RABGAP1L: variants seen among roughly 807,000 people sequenced by gnomAD.
RABGAP1L encodes RAB GTPase activating protein 1 like.
Under a neutral mutation model 137.7 loss-of-function variants are expected in RABGAP1L, and 63 were observed. The ratio of observed to expected loss-of-function variants is 0.46; its 90% CI spans 0.37 to 0.56. RABGAP1L has a LOEUF of 0.56. Among genes scored for constraint, RABGAP1L ranks in the 20% least tolerant of loss-of-function variants. The probability of loss-of-function intolerance (pLI) is 0.00; values close to 1 mark genes in which losing one functional copy is unlikely to be tolerated. For missense variants in RABGAP1L, 1,095 were observed against 1,244.0 expected, an observed-to-expected ratio of 0.88 and a Z score of 1.80; for synonymous variants, 431 against 433.7, an observed-to-expected ratio of 0.99 and a Z score of 0.08.
At chr1:174,389,511 A>G (rs1244696670) in intron 12 of RABGAP1L, among the ~76,000 whole-genome samples, 1 of 152,108 alleles carries the variant, frequency 6.6e-6, no homozygotes, top group African/African-American at 2.4e-5. Context: ...GACATCTTTA[A>G]AAGTAGAGTT....
chr1:174,217,454 A>G (rs943323480), intron 1 of RABGAP1L, among the ~76,000 whole-genome samples: 1 of 152,172 alleles, frequency 6.6e-6, no homozygotes, highest in Non-Finnish European at 1.5e-5. Flanking sequence ...TCAGGATCTG[A>G]ACTCAGGGAA....
intron 7 of RABGAP1L, among the ~76,000 whole-genome samples, chr1:174,266,482 T>C: frequency 6.6e-6 from 1 of 152,222 alleles, no homozygotes; most frequent in East Asian, 1.9e-4. Flanking sequence ...TTTGTAGTTA[T>C]GGTATACATT....
At chr1:174,645,869 G>C (rs533629444) in intron 14 of RABGAP1L, among the ~76,000 whole-genome samples, 1 of 152,142 alleles carries the variant, frequency 6.6e-6, no homozygotes, top group South Asian at 2.1e-4. Flanking sequence ...TCCAGCATCT[G>C]TTGTTTCCTG....
chr1:174,973,101 A>G (rs979934556), intron 21 of RABGAP1L, among the ~76,000 whole-genome samples: 6 of 152,154 alleles, frequency 3.9e-5, no homozygotes, highest in African/African-American at 1.2e-4. Context: ...GAACAGAACA[A>G]TTGCTCCTAC....
intron 10 of RABGAP1L, among the ~76,000 whole-genome samples, chr1:174,281,378 C>G (rs1226169466): frequency 6.6e-5 from 10 of 152,040 alleles, no homozygotes; most frequent in Non-Finnish European, 1.3e-4. Flanking sequence ...GTTTACAAAC[C>G]ATTAGCTAGA....
chr1:174,922,225 A>T (rs923791746), intron 19 of RABGAP1L: 1 of 152,734 alleles, frequency 6.5e-6, no homozygotes, highest in Non-Finnish European at 1.5e-5. Context: ...CTCACACAGT[A>T]ACGCAGTTTT....
intron 10 of RABGAP1L, among the ~76,000 whole-genome samples, chr1:174,291,955 T>A (rs1282067824): frequency 6.6e-6 from 1 of 151,010 alleles, no homozygotes; most frequent in Non-Finnish European, 1.5e-5. Context: ...TGTTGTTTCA[T>A]TATTTTTCCT....
intron 13 of RABGAP1L, among the ~76,000 whole-genome samples, chr1:174,459,337 A>C (rs1179581069): frequency 1.3e-5 from 2 of 152,164 alleles, no homozygotes; most frequent in African/African-American, 4.8e-5. Context: ...TAAGAAAATG[A>C]ATAAATGATC....
intron 13 of RABGAP1L, among the ~76,000 whole-genome samples, chr1:174,578,286 G>T (rs748636769): frequency 6.6e-6 from 1 of 152,162 alleles, no homozygotes; most frequent in Non-Finnish European, 1.5e-5. Context: ...CCAGGCTCAA[G>T]CAGTCCTCCT....
chr1:174,357,097 T>G (rs1411761950), intron 11 of RABGAP1L, among the ~76,000 whole-genome samples: 2 of 152,118 alleles, frequency 1.3e-5, no homozygotes, highest in African/African-American at 4.8e-5. Flanking sequence ...GGAGTTGAAG[T>G]TAGGCATATT....
intron 11 of RABGAP1L, among the ~76,000 whole-genome samples, chr1:174,370,429 A>T (rs550226318): frequency 2.7e-5 from 4 of 146,640 alleles, no homozygotes; most frequent in African/African-American, 1.0e-4. Context: ...CCATATAAAA[A>T]GGCCAGTTTC....
chr1:174,327,987 ATAT>A (rs2148851427), intron 11 of RABGAP1L, among the ~76,000 whole-genome samples: 1 of 10,192 alleles, frequency 9.8e-5, no homozygotes, highest in Non-Finnish European at 1.8e-4. Context: ...ATACACACAC[ATAT>A]ATATATATAT....
At chr1:174,294,156 T>C (rs570760455) in intron 10 of RABGAP1L, among the ~76,000 whole-genome samples, 1 of 152,316 alleles carries the variant, frequency 6.6e-6, no homozygotes, top group East Asian at 1.9e-4. Context: ...AGAACAATGC[T>C]TGCTACCTGA....
At chr1:174,502,639 TATATATATGTAC>T (rs1290810866) in intron 13 of RABGAP1L, among the ~76,000 whole-genome samples, 1 of 148,928 alleles carries the variant, frequency 6.7e-6, no homozygotes, top group East Asian at 1.9e-4. Flanking sequence ...TATATGTGTG[TATATATATGTAC>T]ATATATATGT....
intron 18 of RABGAP1L, among the ~76,000 whole-genome samples, chr1:174,804,615 C>A (rs575215908): frequency 6.6e-6 from 1 of 152,114 alleles, no homozygotes; most frequent in East Asian, 1.9e-4. Context: ...GCCCGGCCTC[C>A]CTCGGGATTT....
At chr1:174,827,160 G>A (rs1428674309) in intron 19 of RABGAP1L, among the ~76,000 whole-genome samples, 2 of 152,044 alleles carry the variant, frequency 1.3e-5, no homozygotes, top group East Asian at 1.9e-4. Context: ...AAGAGATGGT[G>A]TCTCACCATG....
chr1:174,723,233 C>G (rs1681718738), intron 17 of RABGAP1L, among the ~76,000 whole-genome samples: 1 of 152,134 alleles, frequency 6.6e-6, no homozygotes, highest in Non-Finnish European at 1.5e-5. Flanking sequence ...CACCACCACG[C>G]CTGGCTCATT....
chr1:174,895,452 T>TA (rs1281717982), intron 19 of RABGAP1L, among the ~76,000 whole-genome samples: 1 of 152,090 alleles, frequency 6.6e-6, no homozygotes, highest in Non-Finnish European at 1.5e-5. Context: ...AGTTTTTTTT[T>TA]ATTATTATAC....
chr1:174,966,513 G>A (rs1258406836), intron 20 of RABGAP1L, among the ~76,000 whole-genome samples: 2 of 152,054 alleles, frequency 1.3e-5, no homozygotes, highest in South Asian at 2.1e-4. Flanking sequence ...CCATGAAAAG[G>A]AGTAATAGAT....
Sources: gnomAD v4.1 joint callset for allele counts (sites outside exome capture counted in the v4.1 genomes callset) on GRCh38, gnomAD v4.1.1 for gene constraint, MANE v1.5 for transcripts, NCBI Gene and HGNC (gene_info 2026-07-23, HGNC 2026-07-21) for gene names.